Variants in SCEL observed in about 807,000 individuals in gnomAD.
SCEL encodes the protein sciellin.
Under a neutral mutation model 117.6 loss-of-function variants are expected in SCEL, and 113 were observed. That is an observed-to-expected ratio of 0.96 (90% confidence interval 0.83 to 1.12). SCEL has a LOEUF of 1.12. Ranked by LOEUF, SCEL falls within the 50% of genes most tolerant of loss-of-function variation. The pLI is 0.00. For synonymous variants in SCEL, 270 were observed against 256.2 expected (o/e 1.05, Z -0.51); for missense variants, 785 against 810.8 (o/e 0.97, Z 0.39).
chr13:77,592,033 G>GA (rs1474011913), intron 11 of SCEL, among the ~76,000 whole-genome samples: 6 of 151,750 alleles, frequency 4.0e-5, no homozygotes, highest in East Asian at 1.9e-4. Context: ...CTTTTCTAAG[G>GA]AAAAAAATTA....
chr13:77,578,808 A>G (rs1242301221), intron 9 of SCEL, among the ~76,000 whole-genome samples: 3 of 152,130 alleles, frequency 2.0e-5, no homozygotes, highest in African/African-American at 7.2e-5. Flanking sequence ...CACCGGCAGG[A>G]TATATTTGTA....
intron 17 of SCEL, 170 bp downstream of exon 17, chr13:77,602,883 C>A: frequency 1.6e-6 from 1 of 642,466 alleles, no homozygotes; most frequent in Non-Finnish European, 2.6e-6. Flanking sequence ...TTTACATTTA[C>A]ATATAGCCCA....
intron 4 of SCEL, among the ~76,000 whole-genome samples, chr13:77,561,181 C>G (rs1399753452): frequency 6.6e-6 from 1 of 152,156 alleles, no homozygotes. Context: ...TTGAGTCCAG[C>G]CACCTCTATG....
chr13:77,549,861 G>A (rs904233788), intron 1 of SCEL, among the ~76,000 whole-genome samples: 1 of 152,174 alleles, frequency 6.6e-6, no homozygotes, highest in Admixed American at 6.5e-5. Flanking sequence ...TCAATTGTTA[G>A]CAGTGTGTGG....
intron 10 of SCEL, 111 bp from the exon 11 acceptor site, chr13:77,591,284 G>T (rs756163607): frequency 2.7e-6 from 2 of 727,704 alleles, no homozygotes. Flanking sequence ...TAGTGTTATG[G>T]TTCCAACAAA....
chr13:77,546,045 T>C (rs1211076114), intron 1 of SCEL, among the ~76,000 whole-genome samples: 1 of 152,230 alleles, frequency 6.6e-6, no homozygotes, highest in South Asian at 2.1e-4. Context: ...AATGAAACGT[T>C]ATCAAGCTAT....
chr13:77,581,446 T>A (rs1250978290), intron 9 of SCEL, among the ~76,000 whole-genome samples: 1 of 152,184 alleles, frequency 6.6e-6, no homozygotes, highest in Non-Finnish European at 1.5e-5. Context: ...TTGAAGTAAC[T>A]CATACATTTG....
At chr13:77,561,924 G>A (rs1402143538) in intron 4 of SCEL, among the ~76,000 whole-genome samples, 1 of 152,228 alleles carries the variant, frequency 6.6e-6, no homozygotes, top group Non-Finnish European at 1.5e-5. Context: ...TGTGTGCAGA[G>A]AGCTGGCATG....
chr13:77,640,894 G>C (rs982476036), intron 31 of SCEL, 110 bp downstream of exon 31: 18 of 578,134 alleles, frequency 3.1e-5, no homozygotes, highest in African/African-American at 2.7e-4. Context: ...CAGAAGCACT[G>C]TCAGCCACAT....
chr13:77,561,815 G>A (rs1377492541), intron 4 of SCEL, among the ~76,000 whole-genome samples: 2 of 152,178 alleles, frequency 1.3e-5, no homozygotes, highest in African/African-American at 4.8e-5. Context: ...TGGTGTTGGC[G>A]ATGATGCTTG....
intron 28 of SCEL, among the ~76,000 whole-genome samples, chr13:77,629,927 T>C (rs1284428769): frequency 6.6e-6 from 1 of 151,962 alleles, no homozygotes; most frequent in Non-Finnish European, 1.5e-5. Flanking sequence ...TTCTTCTGGA[T>C]TGGGGGTCTT....
At chr13:77,558,979 C>T (rs972731207) in intron 3 of SCEL, among the ~76,000 whole-genome samples, 2 of 152,080 alleles carry the variant, frequency 1.3e-5, no homozygotes, top group East Asian at 1.9e-4. Context: ...CGTGTTTTGA[C>T]ATTTCCTGAA....
intron 22 of SCEL, 42 bp downstream of exon 22, chr13:77,610,148 T>A (rs574043493): frequency 7.0e-7 from 1 of 1,422,026 alleles, no homozygotes; most frequent in Admixed American, 1.8e-5. Flanking sequence ...CCTTTTTTTT[T>A]CCTAATGAGC....
At chr13:77,571,991 T>G in intron 8 of SCEL, 133 bp from the exon 9 acceptor site, 1 of 713,460 alleles carries the variant, frequency 1.4e-6, no homozygotes, top group Non-Finnish European at 2.5e-6. Flanking sequence ...ACTTCATTTA[T>G]GAAATAGTGT....
chr13:77,608,577 A>G (rs1223985920), intron 20 of SCEL, among the ~76,000 whole-genome samples: 3 of 152,184 alleles, frequency 2.0e-5, no homozygotes, highest in African/African-American at 7.2e-5. Flanking sequence ...TCCAGCCTGG[A>G]CGACAGAGCC....
intron 9 of SCEL, among the ~76,000 whole-genome samples, chr13:77,572,689 G>T (rs564322892): frequency 6.6e-6 from 1 of 152,146 alleles, no homozygotes; most frequent in Non-Finnish European, 1.5e-5. Flanking sequence ...TCTTCTCCCT[G>T]TGTGCACGTC....
chr13:77,583,923 A>T (rs1471812110), intron 9 of SCEL, among the ~76,000 whole-genome samples: 1 of 152,152 alleles, frequency 6.6e-6, no homozygotes, highest in Non-Finnish European at 1.5e-5. Context: ...TTACAGTGTT[A>T]TTTCTTTTAG....
At chr13:77,552,194 C>T (rs1398436237) in intron 1 of SCEL, among the ~76,000 whole-genome samples, 1 of 151,030 alleles carries the variant, frequency 6.6e-6, no homozygotes, top group Non-Finnish European at 1.5e-5. Flanking sequence ...ATTTATAGTC[C>T]TTTGGGTATA....
chr13:77,634,223 G>A (rs1317334013), intron 28 of SCEL, among the ~76,000 whole-genome samples, 156 bp from the exon 29 acceptor site: 1 of 152,190 alleles, frequency 6.6e-6, no homozygotes, highest in Admixed American at 6.5e-5. Flanking sequence ...AATTTTTGCA[G>A]TGCTGTGTTA....
Sources: gnomAD v4.1 joint callset for allele counts (sites outside exome capture counted in the v4.1 genomes callset) on GRCh38, gnomAD v4.1.1 for gene constraint, MANE v1.5 for transcripts, NCBI Gene and HGNC (gene_info 2026-07-23, HGNC 2026-07-21) for gene names.